Variants in VBP1 observed in about 807,000 individuals in gnomAD.
VBP1 encodes the protein prefoldin subunit 3.
Under a neutral mutation model 15.5 loss-of-function variants are expected in VBP1, and 4 were observed. That is an observed-to-expected ratio of 0.26 (90% CI 0.13 to 0.59). VBP1 has a LOEUF of 0.59. Ranked by LOEUF, VBP1 falls within the 20% of genes least tolerant of loss-of-function variation. The probability of loss-of-function intolerance (pLI) is 0.90; values close to 1 mark genes in which losing one functional copy is unlikely to be tolerated. For missense variants in VBP1, 108 were observed against 139.6 expected (o/e 0.77, Z 1.14); for synonymous variants, 61 against 52.1 (o/e 1.17, Z -0.74).
chrX:155,228,758 T>G (rs186817677), intron 4 of VBP1, among the ~76,000 whole-genome samples: 24 of 111,642 alleles, frequency 2.1e-4, no homozygotes, highest in African/African-American at 7.8e-4. Context: ...AAACCCTGCT[T>G]CTCTTCCAGT....
rs2074773731 is a variant in VBP1 at position 155,236,450 on chromosome X, G to A, written c.523+83G>A. On this transcript the variant is annotated intron_variant, in intron 5 of 5. Transcript: ENST00000286428. ...ACATTCTTTCATGGGCAGAGGGAGA[G>A]CATTAGGAAAAATAGCTGATGCATG... The A allele has an allele frequency of 5.6e-6, 6 of 1,067,837 alleles. No homozygotes were observed. The South Asian group carries it at 8.9e-5, about 16-fold the overall frequency. The allele number at this position is 1,067,837 out of a possible 1,213,427, so 88.0% of individuals were successfully genotyped here.
intron 2 of VBP1, among the ~76,000 whole-genome samples, chrX:155,222,564 T>C (rs1557309693): frequency 9.0e-6 from 1 of 111,510 alleles, no homozygotes; most frequent in Non-Finnish European, 1.9e-5. Flanking sequence ...AAATTGCTCT[T>C]CTAACTAGTA....
intron 1 of VBP1, among the ~76,000 whole-genome samples, chrX:155,207,143 A>G (rs1557308121): frequency 1.8e-5 from 2 of 111,500 alleles, no homozygotes; most frequent in African/African-American, 3.3e-5. Context: ...TGCAGAAAAA[A>G]CTATGAAGGG....
At chrX:155,206,549 A>G (rs1425129342) in intron 1 of VBP1, among the ~76,000 whole-genome samples, 1 of 111,059 alleles carries the variant, frequency 9.0e-6, no homozygotes, top group Non-Finnish European at 1.9e-5. Context: ...TAGAAATTTT[A>G]AAGAGTAGAA....
intron 1 of VBP1, among the ~76,000 whole-genome samples, chrX:155,203,796 T>C (rs1359082894): frequency 9.0e-6 from 1 of 111,709 alleles, no homozygotes; most frequent in African/African-American, 3.3e-5. Context: ...TGGAATCAAT[T>C]ACACCCAATT....
intron 2 of VBP1, among the ~76,000 whole-genome samples, chrX:155,220,703 G>C (rs1401902097): frequency 3.6e-5 from 4 of 111,685 alleles, no homozygotes; most frequent in Non-Finnish European, 7.5e-5. Flanking sequence ...TAGGAAAAAA[G>C]CTATCCTTAC....
intron 1 of VBP1, among the ~76,000 whole-genome samples, chrX:155,202,850 A>T (rs1259248695): frequency 1.8e-5 from 2 of 111,115 alleles, no homozygotes; most frequent in Non-Finnish European, 3.8e-5. Flanking sequence ...AATTCTCACA[A>T]CCTACTCATC....
chrX:155,217,785 C>T (rs1346619267), intron 1 of VBP1, among the ~76,000 whole-genome samples: 1 of 111,347 alleles, frequency 9.0e-6, no homozygotes, highest in South Asian at 3.8e-4. Flanking sequence ...GATGATAAAA[C>T]TGAGGTACGG....
chrX:155,201,629 T>C (rs1204826884), intron 1 of VBP1, among the ~76,000 whole-genome samples: 1 of 89,013 alleles, frequency 1.1e-5, no homozygotes, highest in Non-Finnish European at 2.1e-5. Flanking sequence ...AAGAGCTATC[T>C]ATGACAAACC....
intron 4 of VBP1, among the ~76,000 whole-genome samples, chrX:155,234,923 AC>A (rs2074764661): frequency 8.9e-6 from 1 of 112,007 alleles, no homozygotes; most frequent in Non-Finnish European, 1.9e-5. Flanking sequence ...AGCATCTTAT[AC>A]AGTGCCCCAT....
At chrX:155,237,155 G>C (rs1027589473) in intron 5 of VBP1, among the ~76,000 whole-genome samples, 3 of 111,311 alleles carry the variant, frequency 2.7e-5, no homozygotes, top group Non-Finnish European at 5.7e-5. Context: ...AGGTGGGAGT[G>C]GGGTATTCTG....
intron 1 of VBP1, among the ~76,000 whole-genome samples, chrX:155,208,080 G>A (rs782248646): frequency 8.9e-6 from 1 of 112,153 alleles, no homozygotes; most frequent in South Asian, 3.7e-4. Flanking sequence ...AAAAGATCAA[G>A]AGGAGGAAGC....
At chrX:155,201,377 C>A (rs1569560850) in intron 1 of VBP1, among the ~76,000 whole-genome samples, 1 of 101,607 alleles carries the variant, frequency 9.8e-6, no homozygotes, top group South Asian at 4.5e-4. Context: ...TACTGGCAAA[C>A]CGAATCCAGC....
chrX:155,217,043 T>C (rs1006855128), intron 1 of VBP1, among the ~76,000 whole-genome samples: 1 of 112,296 alleles, frequency 8.9e-6, no homozygotes, highest in South Asian at 3.7e-4. Context: ...GTCTCGGGAA[T>C]GTTGCCTCGG....
At chrX:155,212,733 A>G (rs782457440), upstream of VBP1, among the ~76,000 whole-genome samples, 46 of 111,943 alleles carry the variant, frequency 4.1e-4, no homozygotes, top group Admixed American at 8.5e-4. Flanking sequence ...TCTGGAAATA[A>G]AGCAGGGTAA....
chrX:155,234,302 G>C (rs1457010197), intron 4 of VBP1, among the ~76,000 whole-genome samples: 1 of 108,457 alleles, frequency 9.2e-6, no homozygotes, highest in African/African-American at 3.4e-5. Flanking sequence ...TGTATTTTTA[G>C]TAGAGACGGG....
At chrX:155,210,445 C>A (rs782707881) in intron 2 of VBP1, among the ~76,000 whole-genome samples, 3 of 111,712 alleles carry the variant, frequency 2.7e-5, no homozygotes, top group African/African-American at 9.8e-5. Flanking sequence ...CAGAGAGAGA[C>A]CCTGTCTCTA....
At chrX:155,233,422 T>A (rs1183688030) in intron 4 of VBP1, among the ~76,000 whole-genome samples, 1 of 112,013 alleles carries the variant, frequency 8.9e-6, no homozygotes, top group Non-Finnish European at 1.9e-5. Flanking sequence ...ACACTTTAGA[T>A]CTTTCAAACT....
Position 155,198,153 on chromosome X carries a change from C to G in VBP1, c.-31+1014C>G, listed in dbSNP as rs2074585973. Among the ~76,000 whole-genome samples the G allele has an allele frequency of 2.7e-5, 3 of 112,715 alleles. No individual in the cohort carries two copies. The South Asian group carries it at 1.1e-3, about 40-fold the overall frequency. On this transcript the variant is annotated intron_variant, in intron 1 of 6. Transcript: ENST00000535916. Reference sequence around the variant, plus strand: ...CACCACAGCTCAAGGAGGCCTGCCTCCCTCTGTAGGCTCCACCTCTGGGGG... The same window carrying G: ...CACCACAGCTCAAGGAGGCCTGCCTGCCTCTGTAGGCTCCACCTCTGGGGG...
Sources: gnomAD v4.1 joint callset for allele counts (sites outside exome capture counted in the v4.1 genomes callset) on GRCh38, gnomAD v4.1.1 for gene constraint, MANE v1.5 for transcripts, NCBI Gene and HGNC (gene_info 2026-07-23, HGNC 2026-07-21) for gene names.